WDR43: variants seen among roughly 807,000 people sequenced by gnomAD.
WDR43 encodes the protein WD repeat-containing protein 43.
In WDR43, 13 loss-of-function variants were observed where a neutral mutation model predicts 91.4. The ratio of observed to expected loss-of-function variants is 0.14; its 90% CI spans 0.09 to 0.23. The LOEUF (loss-of-function observed/expected upper bound fraction) is 0.23, where lower values mean the gene tolerates loss of function less well. Ranked by LOEUF, WDR43 falls within the 10% of genes least tolerant of loss-of-function variation. WDR43 has a pLI of 1.00. For synonymous variants in WDR43, 331 were observed against 287.9 expected, an observed-to-expected ratio of 1.15 and a Z score of -1.51; for missense variants, 780 against 809.4, an observed-to-expected ratio of 0.96 and a Z score of 0.44.
At position 28,910,633 on chromosome 2, in the gene WDR43, T is replaced by C. The variant is rs373762385; in HGVS notation, c.486-1957T>C. ...AATATATATTTTTGATACTTTTTTC[T>C]AGCTTTTTACATATATATACAGATA... On this transcript the variant is annotated intron_variant, in intron 3 of 17. Coordinates refer to ENST00000407426, the MANE Select transcript of WDR43 (RefSeq NM_015131.3). Among the ~76,000 whole-genome samples, 3 of 150,510 alleles carry C rather than the reference T, an allele frequency of 2.0e-5. No individual in the cohort carries two copies. In the East Asian group the frequency reaches 5.8e-4, roughly 29 times the overall value.
At chr2:28,914,252 T>G in intron 5 of WDR43, 44 bp downstream of exon 5, 1 of 1,583,552 alleles carries the variant, frequency 6.3e-7, no homozygotes, top group Non-Finnish European at 8.6e-7. Context: ...TGAAAGAATC[T>G]GTCAGAGCTT....
intron 2 of WDR43, among the ~76,000 whole-genome samples, chr2:28,905,527 C>T (rs1670662406): frequency 6.6e-6 from 1 of 152,046 alleles, no homozygotes; most frequent in South Asian, 2.1e-4. Context: ...AGAGATTTTT[C>T]GAGGATATTT....
rs541354567 is a variant in WDR43, at chr2:28,935,453, T to G, written c.1438-68T>G. ...TTTAAAGGATTCATTTTTACAGACT[T>G]TTTTTTTTCTGTGATGTCCTTGGTT... On this transcript the variant is annotated intron_variant, in intron 11 of 17. Transcript: ENST00000407426. 5.0e-5 allele frequency: 57 copies of G among 1,149,404 alleles called. No individual in the cohort carries two copies. The South Asian group carries it at 7.3e-4, about 15-fold the overall frequency. The allele number at this position is 1,149,404 out of a possible 1,614,324, so 71.2% of individuals were successfully genotyped here. A position where few individuals can be genotyped will look rare whatever the true frequency, so the allele number is the denominator to read the frequency against.
chr2:28,929,463 T>A (rs925179119), intron 10 of WDR43, 116 bp from the exon 11 acceptor site: 2 of 952,178 alleles, frequency 2.1e-6, no homozygotes, highest in Non-Finnish European at 2.8e-6. Flanking sequence ...AGCATATTAG[T>A]GTTTTCTAGG....
intron 5 of WDR43, among the ~76,000 whole-genome samples, chr2:28,915,538 A>G (rs554572365): frequency 2.6e-4 from 39 of 152,364 alleles, no homozygotes; most frequent in African/African-American, 8.4e-4. Flanking sequence ...AATAGTGTCT[A>G]TTATATGTGG....
At chr2:28,896,042 C>T (rs1283650292) in intron 1 of WDR43, among the ~76,000 whole-genome samples, 3 of 152,008 alleles carry the variant, frequency 2.0e-5, no homozygotes, top group African/African-American at 7.2e-5. Flanking sequence ...CATAGTTTAT[C>T]CTGTTGATTC....
chr2:28,920,168 G>C (rs1409296779), intron 6 of WDR43, among the ~76,000 whole-genome samples: 2 of 149,238 alleles, frequency 1.3e-5, no homozygotes, highest in African/African-American at 4.9e-5. Flanking sequence ...AAAATAAAGA[G>C]ATTGATTTAA....
chr2:28,929,559 C>A lies in WDR43; in HGVS notation c.1306-20C>A. 6.4e-7 allele frequency: 1 copy of A among 1,562,302 alleles called. No homozygotes were observed. The highest frequency in any genetic ancestry group is 2.3e-5 in the East Asian group (1 of 43,032). On this transcript the variant is annotated intron_variant, in intron 10 of 17. Coordinates refer to ENST00000407426, the MANE Select transcript of WDR43 (RefSeq NM_015131.3). ...TAAGTCTTGTCTGGTAACACATTAA[C>A]AATCCTTTCTGTTCTGTAGGTTAGC... is the stretch of plus-strand genomic sequence containing the variant.
At chr2:28,929,146 A>C (rs558484819) in intron 10 of WDR43, among the ~76,000 whole-genome samples, 31 of 152,250 alleles carry the variant, frequency 2.0e-4, no homozygotes, top group Non-Finnish European at 4.0e-4. Context: ...TTTTGGGAAC[A>C]TAACATTTCT....
rs969594092 is a variant in WDR43 at position 28,947,059 on chromosome 2, C to T, written c.*280C>T. On this transcript the variant is annotated 3_prime_UTR_variant, in exon 18 of 18. Coordinates refer to ENST00000407426, the MANE Select transcript of WDR43 (RefSeq NM_015131.3). The stretch of plus-strand genomic sequence containing the variant: ...TGGTATATTTTTATAATATAATATC[C>T]TAGTATGATTGGTTATATCAAGAAT... The T allele has an allele frequency of 8.7e-6, 2 of 229,630 alleles. No homozygotes were observed. Among genetic ancestry groups the T allele is most frequent in the Admixed American group, 5.4e-5 (1 of 18,682 alleles). The allele number at this position is 229,630 out of a possible 1,614,324, so 14.2% of individuals were successfully genotyped here. A position where few individuals can be genotyped will look rare whatever the true frequency, so the allele number is the denominator to read the frequency against.
At chr2:28,932,814 T>G (rs1204091632) in intron 11 of WDR43, among the ~76,000 whole-genome samples, 3 of 152,216 alleles carry the variant, frequency 2.0e-5, no homozygotes, top group African/African-American at 7.2e-5. Context: ...GAGAAGCGTA[T>G]TTATGTAATT....
At chr2:28,894,945 G>C (rs1317017120) in intron 1 of WDR43, 22 bp downstream of exon 1, 4 of 1,514,642 alleles carry the variant, frequency 2.6e-6, no homozygotes, top group Non-Finnish European at 2.7e-6. Flanking sequence ...GGGACTGCGC[G>C]GGGCGGGCGC....
At chr2:28,920,558 C>T (rs1408204404) in intron 6 of WDR43, among the ~76,000 whole-genome samples, 3 of 151,944 alleles carry the variant, frequency 2.0e-5, no homozygotes, top group Middle Eastern at 6.8e-3. Context: ...TGTGTGTGTG[C>T]GATTTTTAGA....
chr2:28,894,713 C>T lies in WDR43; in HGVS notation c.15C>T (p.Gly5=), dbSNP rs567032292. The T allele has an allele frequency of 3.8e-6, 6 of 1,560,230 alleles. No homozygotes were observed. The Admixed American group carries it at 5.8e-5, about 15-fold the overall frequency. The change falls in exon 1 of 18, where the codon GGC becomes GGT. Residue 5 remains glycine (G), a synonymous_variant. Coordinates refer to ENST00000407426, the MANE Select transcript of WDR43 (RefSeq NM_015131.3). MAAG[G]GGSCDPLAPA... ...CCAGAGCAGCAATGGCGGCGGGCGG[C>T]GGCGGTAGCTGCGACCCCCTGGCCC...
At position 28,910,183 on chromosome 2, in the gene WDR43, A is replaced by G. The variant is rs541547617; in HGVS notation, c.486-2407A>G. ...CTTTGAGTTACAAAGCTCCTGAGGG[A>G]TTAGGGTGTGGGGAGGATAGAAGGT... On this transcript the variant is annotated intron_variant, in intron 3 of 17. Transcript: ENST00000407426. 4.0e-3 allele frequency among the ~76,000 whole-genome samples: 608 copies of G among 152,244 alleles called. 2 individuals carry two copies. Among genetic ancestry groups the G allele is most frequent in the African/African-American group, 0.014 (589 of 41,550 alleles).
At chr2:28,900,196 CGTTTT>C (rs1419477039) in intron 1 of WDR43, among the ~76,000 whole-genome samples, 1 of 151,860 alleles carries the variant, frequency 6.6e-6, no homozygotes, top group Non-Finnish European at 1.5e-5. Context: ...ATCTTTTTTT[CGTTTT>C]GTTTTGTTTG....
chr2:28,904,644 C>T (rs1670643535), intron 2 of WDR43, among the ~76,000 whole-genome samples: 1 of 152,204 alleles, frequency 6.6e-6, no homozygotes, highest in Admixed American at 6.5e-5. Flanking sequence ...TATTTTCTAA[C>T]TGAATTCTTT....
intron 3 of WDR43, among the ~76,000 whole-genome samples, chr2:28,909,175 G>A (rs1034524147): frequency 2.5e-4 from 38 of 151,906 alleles, no homozygotes; most frequent in Non-Finnish European, 1.9e-4. Context: ...TTTCGCTCTT[G>A]TTGCCCAGCC....
At chr2:28,920,022 A>G in intron 6 of WDR43, among the ~76,000 whole-genome samples, 1 of 151,778 alleles carries the variant, frequency 6.6e-6, no homozygotes. Context: ...GTACTTTAGT[A>G]GAGACAGGGT....
Sources: allele counts gnomAD v4.1 joint callset (sites outside exome capture counted in the v4.1 genomes callset), GRCh38; gene constraint gnomAD v4.1.1; transcripts MANE v1.5; gene names NCBI Gene and HGNC (gene_info 2026-07-23, HGNC 2026-07-21).